The following NAV2 variants were observed in gnomAD, a reference collection of about 807,000 sequenced individuals.
NAV2 encodes helicase, APC down-regulated 1.
A neutral mutation model predicts 223.2 loss-of-function variants in NAV2; 54 were observed. That is an observed-to-expected ratio of 0.24 (90% CI 0.19 to 0.30). The LOEUF is 0.30. Among genes scored for constraint, NAV2 ranks in the 10% least tolerant of loss-of-function variants. The pLI is 1.00. For synonymous variants in NAV2, 1,279 were observed against 1,239.3 expected (o/e 1.03, Z -0.67); for missense variants, 2,806 against 3,147.5 (o/e 0.89, Z 2.60).
chr11:19,392,517 G>T (rs941498711), intron 1 of NAV2, among the ~76,000 whole-genome samples: 2 of 152,082 alleles, frequency 1.3e-5, no homozygotes, highest in Non-Finnish European at 2.9e-5. Flanking sequence ...TGGCCTGTCC[G>T]TGTGGCCTGG....
At chr11:19,849,883 A>AACCTCC (rs2152971384) in intron 3 of NAV2, among the ~76,000 whole-genome samples, 1 of 152,262 alleles carries the variant, frequency 6.6e-6, no homozygotes, top group African/African-American at 2.4e-5. Flanking sequence ...TTGTCTTTCA[A>AACCTCC]AGGTGGCAAC....
intron 31 of NAV2, 124 bp from the exon 32 acceptor site, chr11:20,100,813 G>A: frequency 1.4e-6 from 1 of 738,680 alleles, no homozygotes; most frequent in Non-Finnish European, 2.3e-6. Flanking sequence ...GTGTGCAGGA[G>A]TCTCAGGTGA....
At chr11:19,861,571 T>TTA in intron 3 of NAV2, among the ~76,000 whole-genome samples, 1 of 152,356 alleles carries the variant, frequency 6.6e-6, no homozygotes, top group East Asian at 1.9e-4. Context: ...AATGACCATT[T>TTA]TATAGATCAG....
intron 6 of NAV2, among the ~76,000 whole-genome samples, chr11:19,903,158 G>A (rs1255580643): frequency 6.6e-6 from 1 of 152,196 alleles, no homozygotes; most frequent in African/African-American, 2.4e-5. Flanking sequence ...GTACCAGTGT[G>A]TAGCCCACGT....
intron 1 of NAV2, among the ~76,000 whole-genome samples, chr11:19,456,408 A>G (rs1851960772): frequency 6.6e-6 from 1 of 152,188 alleles, no homozygotes; most frequent in Non-Finnish European, 1.5e-5. Flanking sequence ...CAGAGTAGCT[A>G]TTATTATCCC....
At chr11:19,469,597 G>T (rs961249198) in intron 1 of NAV2, among the ~76,000 whole-genome samples, 5 of 152,080 alleles carry the variant, frequency 3.3e-5, no homozygotes. Context: ...CTCTCACCTC[G>T]CTTTCCCAGG....
At chr11:19,493,538 AG>A (rs1438766516) in intron 1 of NAV2, among the ~76,000 whole-genome samples, 2 of 152,224 alleles carry the variant, frequency 1.3e-5, no homozygotes, top group Non-Finnish European at 1.5e-5. Flanking sequence ...ATTATAAAAA[AG>A]CTCGGCATCC....
intron 11 of NAV2, among the ~76,000 whole-genome samples, chr11:20,029,358 G>A (rs2055458853): frequency 6.6e-6 from 1 of 152,178 alleles, no homozygotes; most frequent in African/African-American, 2.4e-5. Context: ...TCCATGTGTT[G>A]AAGAAGAAAG....
At chr11:19,596,002 G>A (rs1424551487) in intron 1 of NAV2, among the ~76,000 whole-genome samples, 1 of 152,110 alleles carries the variant, frequency 6.6e-6, no homozygotes, top group South Asian at 2.1e-4. Context: ...CACGTGCAGT[G>A]CACTCTGAAA....
At chr11:19,568,772 G>A (rs16936995) in intron 1 of NAV2, among the ~76,000 whole-genome samples, 10,280 of 152,168 alleles carry the variant, frequency 0.068, 1,184 homozygotes, top group African/African-American at 0.24. Flanking sequence ...TGCTGCTAAC[G>A]TCACCTCCCC....
At chr11:20,080,334 T>G in intron 25 of NAV2, 125 bp downstream of exon 25, 1 of 864,276 alleles carries the variant, frequency 1.2e-6, no homozygotes. Flanking sequence ...TGGGCGTAGA[T>G]CCCAGGAAAT....
Position 20,049,866 on chromosome 11 carries a change from G to A in NAV2, c.4401G>A (p.Lys1467=), listed in dbSNP as rs779335173. The A allele has an allele frequency of 1.2e-6, 2 of 1,614,180 alleles. No homozygotes were observed. The highest frequency in any genetic ancestry group is 1.7e-6 in the Non-Finnish European group (2 of 1,180,024). Residue 1467 remains lysine (K), a synonymous_variant, in exon 16 of 38, where the codon AAG becomes AAA. Transcript: ENST00000349880. ...SPLSSPAASP[K]FCRSTLPRKQ... is the part of the protein sequence containing the mutation. ...TCTCTTCCCCTGCTGCTAGCCCTAA[G>A]TTCTGCAGAAGTACTCTGCCCAGGA...
At chr11:19,681,537 A>G (rs1216140182) in intron 1 of NAV2, among the ~76,000 whole-genome samples, 1 of 152,144 alleles carries the variant, frequency 6.6e-6, no homozygotes, top group Admixed American at 6.5e-5. Flanking sequence ...ATTATTTGGC[A>G]TTAATGGCCC....
chr11:19,877,470 C>CTTTTTTTTTTTTTTCTTTTTTGTTTTCT, intron 4 of NAV2, among the ~76,000 whole-genome samples: 1 of 82,604 alleles, frequency 1.2e-5, no homozygotes, highest in Admixed American at 1.1e-4. Flanking sequence ...TATCTTCATT[C>CTTTTTTTTTTTTTTCTTTTTTGTTTTCT]TTTTTTTTTT....
intron 10 of NAV2, among the ~76,000 whole-genome samples, chr11:19,977,545 C>A (rs1173361263): frequency 1.3e-5 from 2 of 152,146 alleles, no homozygotes; most frequent in Admixed American, 1.3e-4. Context: ...TCGTGGGGGA[C>A]AAAGGTTTTG....
chr11:19,968,012 C>A (rs1190006831), intron 10 of NAV2, among the ~76,000 whole-genome samples: 1 of 152,132 alleles, frequency 6.6e-6, no homozygotes, highest in Non-Finnish European at 1.5e-5. Context: ...ATTGTGCACA[C>A]CTCCCTGCTG....
At chr11:19,610,569 G>T (rs1445261068) in intron 1 of NAV2, among the ~76,000 whole-genome samples, 3 of 152,222 alleles carry the variant, frequency 2.0e-5, no homozygotes, top group Non-Finnish European at 4.4e-5. Flanking sequence ...GAAGAGCTTT[G>T]TCACAGCCTG....
At chr11:19,386,199 A>G (rs1399721255) in intron 1 of NAV2, among the ~76,000 whole-genome samples, 1 of 152,244 alleles carries the variant, frequency 6.6e-6, no homozygotes, top group Non-Finnish European at 1.5e-5. Context: ...GCATTTAACA[A>G]TCGTTTGGGT....
chr11:19,874,544 GT>G (rs1279268402), intron 4 of NAV2, among the ~76,000 whole-genome samples: 2 of 152,008 alleles, frequency 1.3e-5, no homozygotes, highest in African/African-American at 2.4e-5. Context: ...GGGCTTTGGG[GT>G]TTTTTTTAGG....
Sources: gnomAD v4.1 joint callset for allele counts (sites outside exome capture counted in the v4.1 genomes callset) on GRCh38, gnomAD v4.1.1 for gene constraint, MANE v1.5 for transcripts, NCBI Gene and HGNC (gene_info 2026-07-23, HGNC 2026-07-21) for gene names.